GAS7: variants seen among roughly 807,000 people sequenced by gnomAD.
GAS7 encodes the protein growth arrest specific 7.
GAS7 carries 28 observed loss-of-function variants against 71.1 expected under a neutral mutation model. The ratio of observed to expected loss-of-function variants is 0.39; its 90% CI spans 0.29 to 0.54. The LOEUF is 0.54. Ranked by LOEUF, GAS7 falls within the 20% of genes least tolerant of loss-of-function variation. The pLI is 0.62. For missense variants in GAS7, 436 were observed against 627.8 expected (o/e 0.69, Z 3.27); for synonymous variants, 258 against 245.8 (o/e 1.05, Z -0.46).
intron 1 of GAS7, among the ~76,000 whole-genome samples, chr17:10,184,960 T>G (rs1254707455): frequency 6.7e-6 from 1 of 149,550 alleles, no homozygotes; most frequent in African/African-American, 2.5e-5. Flanking sequence ...AGTGTTGCTG[T>G]GTCTCACTCA....
chr17:10,163,722 A>C (rs2074272860), intron 1 of GAS7, among the ~76,000 whole-genome samples: 1 of 151,980 alleles, frequency 6.6e-6, no homozygotes, highest in Non-Finnish European at 1.5e-5. Flanking sequence ...TTCTCCCAGC[A>C]AGCCCCCAAG....
intron 8 of GAS7, among the ~76,000 whole-genome samples, chr17:9,936,454 G>A (rs1293840909): frequency 1.3e-5 from 2 of 152,154 alleles, no homozygotes; most frequent in Non-Finnish European, 2.9e-5. Context: ...CTGGGCAACT[G>A]GGATGAAAGG....
intron 1 of GAS7, among the ~76,000 whole-genome samples, chr17:10,038,415 T>TA (rs2072798173): frequency 6.6e-6 from 1 of 152,216 alleles, no homozygotes; most frequent in African/African-American, 2.4e-5. Flanking sequence ...GATTGAGAAC[T>TA]GTTGGAACCC....
chr17:9,964,030 C>T (rs990218478), intron 4 of GAS7, among the ~76,000 whole-genome samples: 4 of 151,996 alleles, frequency 2.6e-5, no homozygotes, highest in Non-Finnish European at 5.9e-5. Flanking sequence ...TTTGTGGTAC[C>T]TTATTATATA....
chr17:9,983,851 C>T (rs893932696), intron 2 of GAS7, among the ~76,000 whole-genome samples: 1 of 151,956 alleles, frequency 6.6e-6, no homozygotes, highest in Non-Finnish European at 1.5e-5. Context: ...CTGAAGGGGG[C>T]GGTATAGCAA....
chr17:9,946,787 A>G, intron 6 of GAS7, 107 bp downstream of exon 6: 4 of 670,456 alleles, frequency 6.0e-6, no homozygotes, highest in Non-Finnish European at 5.3e-6. Flanking sequence ...TCACGCTCCA[A>G]CGAGAAAGGC....
At chr17:10,178,295 G>A (rs1035972411) in intron 1 of GAS7, among the ~76,000 whole-genome samples, 2 of 151,410 alleles carry the variant, frequency 1.3e-5, no homozygotes, top group Non-Finnish European at 2.9e-5. Flanking sequence ...GTTCTGTGGT[G>A]CCCGTGGAAT....
At chr17:10,020,507 C>T (rs552517046) in intron 1 of GAS7, among the ~76,000 whole-genome samples, 1 of 152,002 alleles carries the variant, frequency 6.6e-6, no homozygotes, top group East Asian at 1.9e-4. Flanking sequence ...CATTTATGTG[C>T]AATTAATTCT....
intron 1 of GAS7, among the ~76,000 whole-genome samples, chr17:10,060,249 G>A (rs1236481578): frequency 2.0e-5 from 3 of 152,192 alleles, no homozygotes; most frequent in Non-Finnish European, 2.9e-5. Context: ...CTGCCATAAC[G>A]AAGAGTCGAG....
intron 1 of GAS7, among the ~76,000 whole-genome samples, chr17:10,161,398 C>T (rs1188502064): frequency 1.3e-5 from 2 of 152,172 alleles, no homozygotes; most frequent in Admixed American, 6.5e-5. Context: ...TCCAATGAAC[C>T]CACTGCATCT....
At chr17:9,945,237 C>G (rs533270795) in intron 6 of GAS7, among the ~76,000 whole-genome samples, 1 of 152,108 alleles carries the variant, frequency 6.6e-6, no homozygotes, top group Admixed American at 6.6e-5. Context: ...CTCTCTGCCG[C>G]CACCACCATC....
intron 1 of GAS7, among the ~76,000 whole-genome samples, chr17:10,163,418 G>C (rs12948515): frequency 0.16 from 24,734 of 150,836 alleles, 2,573 homozygotes; most frequent in Non-Finnish European, 0.24. Context: ...GAGCCACCAG[G>C]CTGGGCCAAA....
At chr17:10,016,181 C>T (rs1200846897) in intron 2 of GAS7, among the ~76,000 whole-genome samples, 2 of 151,774 alleles carry the variant, frequency 1.3e-5, no homozygotes, top group Non-Finnish European at 2.9e-5. Flanking sequence ...GCCAGGAGAT[C>T]GAGACCACCC....
At chr17:9,985,901 A>C (rs568136290) in intron 2 of GAS7, among the ~76,000 whole-genome samples, 13 of 152,306 alleles carry the variant, frequency 8.5e-5, no homozygotes, top group African/African-American at 2.9e-4. Context: ...TGCTCCCAGG[A>C]GCACACACCC....
At chr17:9,998,820 C>G (rs1421360537) in intron 2 of GAS7, among the ~76,000 whole-genome samples, 1 of 150,686 alleles carries the variant, frequency 6.6e-6, no homozygotes, top group Non-Finnish European at 1.5e-5. Flanking sequence ...GAGATGCCCC[C>G]ATATCCCTCT....
At chr17:10,092,899 T>C (rs1597787181) in intron 1 of GAS7, among the ~76,000 whole-genome samples, 1 of 152,322 alleles carries the variant, frequency 6.6e-6, no homozygotes, top group East Asian at 1.9e-4. Context: ...GGCACAGTTG[T>C]GATTGCATTT....
At position 9,926,205 on chromosome 17, in the gene GAS7, C is replaced by T. The variant is rs1179062081; in HGVS notation, c.1014+436G>A. Among the ~76,000 whole-genome samples the T allele has an allele frequency of 6.6e-6, 1 of 152,154 alleles. No individual in the cohort carries two copies. Among genetic ancestry groups the T allele is most frequent in the Non-Finnish European group, 1.5e-5 (1 of 68,030 alleles). ...TTCCCTCTAAGGCTGAACATCAGTT[C>T]CCTGGAGGTGAGACCACCCAGGACT... is the stretch of plus-strand genomic sequence containing the variant. On this transcript the variant is annotated intron_variant, in intron 10 of 13. Transcript: ENST00000432992. This position sits in a 1 kb window ranked among gnomAD's most constrained non-coding sequence, Gnocchi z 5.0.
chr17:10,072,981 T>A (rs923960796), intron 1 of GAS7, among the ~76,000 whole-genome samples: 3 of 152,016 alleles, frequency 2.0e-5, no homozygotes, highest in Non-Finnish European at 1.5e-5. Context: ...TGGAGCAAAG[T>A]GGTCTATGTC....
intron 1 of GAS7, among the ~76,000 whole-genome samples, chr17:10,074,953 A>C (rs1384053124): frequency 1.7e-5 from 1 of 58,734 alleles, no homozygotes; most frequent in African/African-American, 1.3e-4. Context: ...AAGAAACTAC[A>C]AAAAAAAAAA....
Sources: gnomAD v4.1 joint callset for allele counts (sites outside exome capture counted in the v4.1 genomes callset) on GRCh38, gnomAD v4.1.1 for gene constraint, Gnocchi (gnomAD v3.1) non-coding constraint, MANE v1.5 for transcripts, NCBI Gene and HGNC (gene_info 2026-07-23, HGNC 2026-07-21) for gene names.